Variants in STK32B observed in about 807,000 individuals in gnomAD.
The protein encoded by STK32B is serine/threonine-protein kinase 32B.
In STK32B, 43 loss-of-function variants were observed where a neutral mutation model predicts 52.6. The ratio of observed to expected loss-of-function variants is 0.82; its 90% CI spans 0.64 to 1.05. The LOEUF (loss-of-function observed/expected upper bound fraction) is 1.05, where lower values mean the gene tolerates loss of function less well. Ranked by LOEUF, STK32B falls within the 50% of genes least tolerant of loss-of-function variation. STK32B has a pLI of 0.00. For missense variants in STK32B, 621 were observed against 534.6 expected, an observed-to-expected ratio of 1.16 and a Z score of -1.59; for synonymous variants, 238 against 204.3, an observed-to-expected ratio of 1.17 and a Z score of -1.41.
rs539817539 is a variant in STK32B at position 5,186,649 on chromosome 4, C to A, written c.260+18199C>A. Among the ~76,000 whole-genome samples, 266 of 152,282 alleles carry A rather than the reference C, an allele frequency of 1.7e-3. 2 individuals carry two copies. The highest frequency in any genetic ancestry group is 6.0e-3 in the African/African-American group (251 of 41,554). ...GATATCCTGGTCCATCCCCAACACA[C>A]AGAGATGGAGAATGTCCCTGGGGTT... On this transcript the variant is annotated intron_variant, in intron 3 of 11. Transcript: ENST00000282908.
intron 3 of STK32B, among the ~76,000 whole-genome samples, chr4:5,303,108 T>G (rs1476703120): frequency 6.6e-6 from 1 of 151,950 alleles, no homozygotes. Context: ...TGGTTCCATG[T>G]TTTCACAATT....
rs1159875464 is a variant in STK32B at position 5,499,944 on chromosome 4, T to G, written c.*861T>G. 6.6e-6 allele frequency: 1 copy of G among 152,232 alleles called. No individual in the cohort carries two copies. Among genetic ancestry groups the G allele is most frequent in the Non-Finnish European group, 1.5e-5 (1 of 68,062 alleles). 9.4% of individuals were successfully genotyped at this position (152,232 alleles called of 1,614,324 possible). ...CTCTCTATCAGCTTTCAGGGTTTTCTCTCCTGGGAAGGGTGTAAAATCAGC... is the reference window on the plus strand; with the variant it reads ...CTCTCTATCAGCTTTCAGGGTTTTCGCTCCTGGGAAGGGTGTAAAATCAGC... On this transcript the variant is annotated 3_prime_UTR_variant, in exon 12 of 12. Transcript: ENST00000282908.
At chr4:5,178,640 T>C (rs1240670688) in intron 3 of STK32B, among the ~76,000 whole-genome samples, 2 of 152,228 alleles carry the variant, frequency 1.3e-5, no homozygotes, top group East Asian at 3.9e-4. Context: ...CTTAGAAATT[T>C]CTTCTGCCAG....
intron 5 of STK32B, among the ~76,000 whole-genome samples, chr4:5,407,200 A>T (rs1228343584): frequency 6.6e-6 from 1 of 152,152 alleles, no homozygotes; most frequent in Non-Finnish European, 1.5e-5. Context: ...AACACATAAA[A>T]AAAGTGACCT....
At chr4:5,102,436 GCTTCCTTCCTTCCTTC>G (rs201942952) in intron 1 of STK32B, among the ~76,000 whole-genome samples, 22,242 of 104,714 alleles carry the variant, frequency 0.21, 2,761 homozygotes, top group East Asian at 0.35. Flanking sequence ...CTCCTTCCTT[GCTTCCTTCCTTCCTTC>G]CTTCCTTCCT....
At position 5,467,872 on chromosome 4, in the gene STK32B, CTT is replaced by C; in HGVS notation, c.1042-133_1042-132del. The C allele has an allele frequency of 1.0e-6, 1 of 966,984 alleles. No homozygotes were observed. The highest frequency in any genetic ancestry group is 1.4e-5 in the South Asian group (1 of 68,988). 59.9% of individuals were successfully genotyped at this position (966,984 alleles called of 1,614,324 possible). ...ATGCAGTCAGGGTCAGCCCCAGACACTTAGCTTGGCTTGTCCCGGTCCCAAGC... is the reference window on the plus strand; with the variant it reads ...ATGCAGTCAGGGTCAGCCCCAGACACAGCTTGGCTTGTCCCGGTCCCAAGC... On this transcript the variant is annotated intron_variant, in intron 10 of 11. Transcript: ENST00000282908. The surrounding 1 kb of genome is among the most constrained non-coding windows in gnomAD (Gnocchi z 5.8).
intron 3 of STK32B, among the ~76,000 whole-genome samples, chr4:5,317,483 C>G (rs1187115891): frequency 1.9e-5 from 1 of 52,726 alleles, no homozygotes; most frequent in African/African-American, 1.1e-4. Context: ...ATATATATTA[C>G]ATATATATAA....
intron 2 of STK32B, among the ~76,000 whole-genome samples, chr4:5,154,307 C>T (rs539673026): frequency 6.6e-6 from 1 of 151,418 alleles, no homozygotes; most frequent in Non-Finnish European, 1.5e-5. Context: ...CCTCTCCCTC[C>T]TGGGTTCAAG....
At chr4:5,114,839 G>C (rs999593169) in intron 1 of STK32B, among the ~76,000 whole-genome samples, 1 of 152,098 alleles carries the variant, frequency 6.6e-6, no homozygotes, top group Non-Finnish European at 1.5e-5. Flanking sequence ...GTTATTCCAC[G>C]GGGTGGTGCC....
chr4:5,311,915 T>TATATATATATATATATATATATATATA lies in STK32B; in HGVS notation c.261-19305_261-19304insATATATATATATATATATATATATATA, dbSNP rs1228362253. On this transcript the variant is annotated intron_variant, in intron 3 of 11. Coordinates refer to ENST00000282908, the MANE Select transcript of STK32B (RefSeq NM_018401.3). ...AAGTGCATACTTTTATATATATATA[T>TATATATATATATATATATATATATATA]TTTTTTTTAAAGTTTATTCTTATTT... Among the ~76,000 whole-genome samples, 79 of 135,442 alleles carry TATATATATATATATATATATATATATA rather than the reference T, an allele frequency of 5.8e-4. 1 individual carries two copies. The highest frequency in any genetic ancestry group is 1.3e-3 in the South Asian group (6 of 4,566). 88.9% of individuals were successfully genotyped at this position (135,442 alleles called of 152,430 possible).
At chr4:5,228,627 C>T (rs1724033196) in intron 3 of STK32B, among the ~76,000 whole-genome samples, 1 of 152,098 alleles carries the variant, frequency 6.6e-6, no homozygotes, top group Non-Finnish European at 1.5e-5. Context: ...AAGTGAATAT[C>T]ACAATAAAGA....
At chr4:5,217,530 T>G (rs901679838) in intron 3 of STK32B, among the ~76,000 whole-genome samples, 1 of 152,198 alleles carries the variant, frequency 6.6e-6, no homozygotes, top group Non-Finnish European at 1.5e-5. Context: ...TACAAGTATG[T>G]TTAGGGCATT....
intron 3 of STK32B, among the ~76,000 whole-genome samples, chr4:5,188,492 T>C (rs1239637206): frequency 6.6e-6 from 1 of 152,068 alleles, no homozygotes; most frequent in Non-Finnish European, 1.5e-5. Flanking sequence ...GCACTCACTG[T>C]TCTCTCTGCC....
At chr4:5,221,097 AGATGTTCTTCCTGGGAGCAATT>A (rs1375323655) in intron 3 of STK32B, among the ~76,000 whole-genome samples, 1 of 152,118 alleles carries the variant, frequency 6.6e-6, no homozygotes, top group African/African-American at 2.4e-5. Flanking sequence ...AGTTCTTCAG[AGATGTTCTTCCTGGGAGCAATT>A]GATGTTCTTC....
At chr4:5,480,680 C>A (rs1444494386) in intron 11 of STK32B, among the ~76,000 whole-genome samples, 1 of 152,040 alleles carries the variant, frequency 6.6e-6, no homozygotes, top group Non-Finnish European at 1.5e-5. Context: ...GTGCTGCACC[C>A]ATTAACTCGT....
the STK32B span, among the ~76,000 whole-genome samples, chr4:5,042,314 A>C: frequency 6.6e-6 from 1 of 152,234 alleles, no homozygotes; most frequent in African/African-American, 2.4e-5. Flanking sequence ...CAGACTCAGC[A>C]CATATAAGTA....
chr4:5,493,776 G>A lies in STK32B; in HGVS notation c.1107-5169G>A, dbSNP rs1018068072. Among the ~76,000 whole-genome samples the A allele has an allele frequency of 1.1e-3, 162 of 152,216 alleles. 1 individual carries two copies. The highest frequency in any genetic ancestry group is 3.8e-3 in the African/African-American group (157 of 41,580). On this transcript the variant is annotated intron_variant, in intron 11 of 11. Transcript: ENST00000282908. Reference sequence around the variant, plus strand: ...TGTGTCCCAGAGATTCTGGTATGTTGTGTCTTTGTTCTCATTGGTTTCAAA... The same window carrying A: ...TGTGTCCCAGAGATTCTGGTATGTTATGTCTTTGTTCTCATTGGTTTCAAA...
At chr4:5,071,775 G>A (rs912576384) in intron 1 of STK32B, among the ~76,000 whole-genome samples, 1 of 152,156 alleles carries the variant, frequency 6.6e-6, no homozygotes, top group Non-Finnish European at 1.5e-5. Context: ...AATAACAAAT[G>A]TTTCTGATCT....
intron 4 of STK32B, among the ~76,000 whole-genome samples, chr4:5,397,613 A>G (rs1389540642): frequency 6.6e-6 from 1 of 152,236 alleles, no homozygotes; most frequent in East Asian, 1.9e-4. Context: ...TGACGACCAC[A>G]TTAATCTCTG....
Sources: gnomAD v4.1 joint callset for allele counts (sites outside exome capture counted in the v4.1 genomes callset) on GRCh38, gnomAD v4.1.1 for gene constraint, Gnocchi (gnomAD v3.1) non-coding constraint, MANE v1.5 for transcripts, NCBI Gene and HGNC (gene_info 2026-07-23, HGNC 2026-07-21) for gene names.